Variants in PIK3C2G observed in about 807,000 individuals in gnomAD.
PIK3C2G encodes the protein phosphatidylinositol 3-kinase C2 domain-containing subunit gamma.
Under a neutral mutation model 181.1 loss-of-function variants are expected in PIK3C2G, and 168 were observed. The observed-to-expected ratio is 0.93, with a 90% CI of 0.82 to 1.05. PIK3C2G has a LOEUF of 1.05. Ranked by LOEUF, PIK3C2G falls within the 50% of genes least tolerant of loss-of-function variation. PIK3C2G has a pLI of 0.00. For missense variants in PIK3C2G, 1,869 were observed against 1,732.8 expected (o/e 1.08, Z -1.40); for synonymous variants, 573 against 592.2 (o/e 0.97, Z 0.47).
chr12:18,291,071 C>T, intron 4 of PIK3C2G, 59 bp downstream of exon 4: 1 of 990,516 alleles, frequency 1.0e-6, no homozygotes, highest in South Asian at 1.7e-5. Context: ...GGCGACGTAG[C>T]CTTGAATTCA....
chr12:18,662,202 A>C, the PIK3C2G span, among the ~76,000 whole-genome samples: 1 of 152,034 alleles, frequency 6.6e-6, no homozygotes, highest in African/African-American at 2.4e-5. Context: ...CTACCTAAAT[A>C]GCATAGGCAC....
chr12:18,267,076 A>G (rs1161238836), intron 1 of PIK3C2G, among the ~76,000 whole-genome samples: 2 of 151,984 alleles, frequency 1.3e-5, no homozygotes, highest in African/African-American at 4.8e-5. Context: ...CCTTTCTATG[A>G]ATGTTACAAT....
chr12:18,409,514 T>C (rs1369730961), intron 16 of PIK3C2G, among the ~76,000 whole-genome samples: 1 of 152,074 alleles, frequency 6.6e-6, no homozygotes, highest in Non-Finnish European at 1.5e-5. Flanking sequence ...ACCTGCCTGT[T>C]CTGAACATGT....
chr12:18,695,921 G>A, the PIK3C2G span, among the ~76,000 whole-genome samples: 4 of 151,788 alleles, frequency 2.6e-5, no homozygotes, highest in Admixed American at 6.6e-5. Context: ...AACTCCTCGT[G>A]AATTTAACCA....
intron 9 of PIK3C2G, among the ~76,000 whole-genome samples, chr12:18,339,683 A>G (rs1938938175): frequency 6.6e-6 from 1 of 152,184 alleles, no homozygotes; most frequent in African/African-American, 2.4e-5. Context: ...TCAAATAGAT[A>G]AGTGGGTATG....
At chr12:18,628,447 TAAG>T (rs1054946217) in intron 31 of PIK3C2G, among the ~76,000 whole-genome samples, 1 of 152,194 alleles carries the variant, frequency 6.6e-6, no homozygotes, top group Non-Finnish European at 1.5e-5. Flanking sequence ...TTGTTGGTGA[TAAG>T]AACAATAGTA....
intron 1 of PIK3C2G, among the ~76,000 whole-genome samples, chr12:18,269,697 T>C (rs569823409): frequency 4.7e-4 from 72 of 152,328 alleles, no homozygotes; most frequent in African/African-American, 1.7e-3. Flanking sequence ...TTTGCTGCAT[T>C]ACATTGGTAA....
intron 31 of PIK3C2G, among the ~76,000 whole-genome samples, chr12:18,628,560 T>C (rs1949205260): frequency 6.6e-6 from 1 of 152,180 alleles, no homozygotes. Context: ...ACAATACCAT[T>C]TAGAGGTCAA....
chr12:18,694,965 G>A, the PIK3C2G span: 55 of 1,606,746 alleles, frequency 3.4e-5, no homozygotes, highest in Non-Finnish European at 4.3e-5. Flanking sequence ...GTTAAAGTAT[G>A]ATTTACTCTC....
the PIK3C2G span, among the ~76,000 whole-genome samples, chr12:18,704,005 C>G: frequency 0.013 from 1,985 of 152,226 alleles, 57 homozygotes; most frequent in African/African-American, 0.046. Context: ...TATTTGTAAT[C>G]TGATAAAATT....
chr12:18,581,124 A>T lies in PIK3C2G; in HGVS notation c.4012-13370A>T, dbSNP rs1479561441. On this transcript the variant is annotated intron_variant, in intron 29 of 32. Coordinates refer to ENST00000538779, the MANE Select transcript of PIK3C2G (RefSeq NM_001288772.2). ...AATTGATCAACTCTCTGAAAAAATC[A>T]ATCATATTAAATTGTAAATGACAAC... is the stretch of plus-strand genomic sequence containing the variant. Among the ~76,000 whole-genome samples, 5 of 152,350 alleles carry T rather than the reference A, an allele frequency of 3.3e-5. No individual in the cohort carries two copies. In the South Asian group the frequency reaches 1.0e-3, roughly 32 times the overall value.
At chr12:18,716,951 T>TA in the PIK3C2G span, among the ~76,000 whole-genome samples, 1 of 152,158 alleles carries the variant, frequency 6.6e-6, no homozygotes, top group Non-Finnish European at 1.5e-5. Context: ...ACACAATGGT[T>TA]ATATCTGTCA....
At chr12:18,651,625 C>G (rs1273826711), downstream of PIK3C2G, among the ~76,000 whole-genome samples, 1 of 152,110 alleles carries the variant, frequency 6.6e-6, no homozygotes, top group Non-Finnish European at 1.5e-5. Context: ...AGCCCTCATT[C>G]TAGACCACAG....
At chr12:18,302,124 G>A (rs1371917469) in intron 5 of PIK3C2G, among the ~76,000 whole-genome samples, 1 of 152,158 alleles carries the variant, frequency 6.6e-6, no homozygotes, top group African/African-American at 2.4e-5. Context: ...GCTGTCTTTG[G>A]GCTCCTGGGT....
At chr12:18,374,731 G>A (rs1049194523) in intron 13 of PIK3C2G, among the ~76,000 whole-genome samples, 5 of 152,164 alleles carry the variant, frequency 3.3e-5, no homozygotes, top group African/African-American at 1.2e-4. Flanking sequence ...GGTGGGACCT[G>A]GTGGTAGGTG....
chr12:18,338,318 A>T, intron 8 of PIK3C2G, 108 bp from the exon 9 acceptor site: 1 of 833,574 alleles, frequency 1.2e-6, no homozygotes. Flanking sequence ...GCAAACAAGC[A>T]TATTTTATTC....
upstream of PIK3C2G, among the ~76,000 whole-genome samples, chr12:18,256,810 A>AT (rs995949658): frequency 5.3e-5 from 8 of 151,968 alleles, no homozygotes; most frequent in African/African-American, 1.2e-4. Flanking sequence ...CCAAAGCTTC[A>AT]TTTTTTTTAT....
At chr12:18,545,076 T>G (rs1347820230) in intron 25 of PIK3C2G, among the ~76,000 whole-genome samples, 2 of 151,926 alleles carry the variant, frequency 1.3e-5, no homozygotes, top group Non-Finnish European at 2.9e-5. Flanking sequence ...TTTCTTGTTT[T>G]TTTGTACTTT....
the PIK3C2G span, among the ~76,000 whole-genome samples, chr12:18,666,299 T>G: frequency 2.0e-5 from 3 of 152,078 alleles, no homozygotes; most frequent in Admixed American, 6.6e-5. Context: ...AGGGCATATT[T>G]GGCAAAATGC....
Sources: gnomAD v4.1 joint callset for allele counts (sites outside exome capture counted in the v4.1 genomes callset) on GRCh38, gnomAD v4.1.1 for gene constraint, MANE v1.5 for transcripts, NCBI Gene and HGNC (gene_info 2026-07-23, HGNC 2026-07-21) for gene names.